Variants in RP1 observed in about 807,000 individuals in gnomAD.
The protein encoded by RP1 is oxygen-regulated protein 1.
RP1 carries 16 observed loss-of-function variants against 14.8 expected under a neutral mutation model. That is an observed-to-expected ratio of 1.08 (90% CI 0.73 to 1.65). The LOEUF (loss-of-function observed/expected upper bound fraction) is 1.65, where lower values mean the gene tolerates loss of function less well. RP1 is among the 40% of genes most tolerant of loss of function. The pLI, the probability that RP1 is intolerant of heterozygous loss-of-function variation, is 0.00. For missense variants in RP1, 2,631 were observed against 2,535.0 expected (o/e 1.04, Z -0.81); for synonymous variants, 876 against 883.6 (o/e 0.99, Z 0.15).
chr8:54,655,451 G>GTATAATAGGTAATCA lies in RP1; in HGVS notation c.1039-627_1039-626insTAGGTAATCATATAA, dbSNP rs71254589. ...TTTAACTCCAGGATAAATGGATCAG[G>GTATAATAGGTAATCA]TATAAATAATCAGTGCTTGAGTTTT... On this transcript the variant is annotated intron_variant, in intron 5 of 22. Coordinates refer to the RP1 transcript ENST00000636932. Among the ~76,000 whole-genome samples the GTATAATAGGTAATCA allele has an allele frequency of 2.6e-5, 4 of 151,948 alleles. No homozygotes were observed. In the South Asian group the frequency reaches 8.3e-4, roughly 32 times the overall value.
At chr8:54,580,615 TTTTA>T (rs747679666) in intron 1 of RP1, among the ~76,000 whole-genome samples, 88 of 143,280 alleles carry the variant, frequency 6.1e-4, no homozygotes, top group Non-Finnish European at 1.1e-3. Flanking sequence ...AATGTAGATA[TTTTA>T]TTTATTTATT....
chr8:54,751,515 T>TGTTTTCATTAA (rs1809369790), intron 19 of RP1, among the ~76,000 whole-genome samples: 1 of 152,208 alleles, frequency 6.6e-6, no homozygotes, highest in Non-Finnish European at 1.5e-5. Context: ...AAAATAAACT[T>TGTTTTCATTAA]TCTTACTTGT....
intron 1 of RP1, among the ~76,000 whole-genome samples, chr8:54,588,986 T>C (rs1298201098): frequency 6.6e-6 from 1 of 152,154 alleles, no homozygotes; most frequent in Non-Finnish European, 1.5e-5. Flanking sequence ...GTGTGCACAA[T>C]TAATAAATGG....
intron 26 of RP1, among the ~76,000 whole-genome samples, chr8:54,852,884 T>G (rs1812088580): frequency 6.6e-6 from 1 of 152,204 alleles, no homozygotes; most frequent in Admixed American, 6.5e-5. Context: ...ATGTTATTGT[T>G]CTGGAGTTGA....
chr8:54,772,823 T>C (rs1454478741), downstream of RP1, among the ~76,000 whole-genome samples: 1 of 152,240 alleles, frequency 6.6e-6, no homozygotes, highest in Non-Finnish European at 1.5e-5. Flanking sequence ...TTATCTTCTG[T>C]ATCTTTGGAT....
intron 3 of RP1, among the ~76,000 whole-genome samples, chr8:54,636,123 T>C (rs1434058918): frequency 6.6e-6 from 1 of 152,248 alleles, no homozygotes; most frequent in Non-Finnish European, 1.5e-5. Flanking sequence ...TCATTTGGCA[T>C]AGATGCTCTT....
intron 26 of RP1, among the ~76,000 whole-genome samples, chr8:54,856,184 G>A (rs930599970): frequency 4.6e-5 from 7 of 152,152 alleles, no homozygotes; most frequent in African/African-American, 1.7e-4. Flanking sequence ...AATGACACAA[G>A]CCAGGTGGAG....
At chr8:54,578,346 A>G (rs1380818559) in intron 1 of RP1, among the ~76,000 whole-genome samples, 1 of 152,114 alleles carries the variant, frequency 6.6e-6, no homozygotes, top group Admixed American at 6.6e-5. Flanking sequence ...ATCTGGGACT[A>G]TAGGTGCACC....
exon 18 of RP1, chr8:54,734,608 T>C (rs1489944332): frequency 6.5e-7 from 1 of 1,535,742 alleles, no homozygotes; most frequent in Admixed American, 2.0e-5. Context: ...AAGGTGTTAG[T>C]GCTGACAGGA....
In RP1 at chr8:54,687,102, A is replaced by C. The variant is rs114768564; in HGVS notation, c.1717+7169A>C. On this transcript the variant is annotated intron_variant, in intron 12 of 22. Coordinates refer to the RP1 transcript ENST00000636932. ...ATTGCATTTTTCTTTTTTTATTATT[A>C]AAAAGAATCTTTTGTATTACTCAAT... is the stretch of plus-strand genomic sequence containing the variant. Among the ~76,000 whole-genome samples, 808 of 152,178 alleles carry C rather than the reference A, an allele frequency of 5.3e-3. 3 individuals are homozygous for C. The highest frequency in any genetic ancestry group is 0.019 in the African/African-American group (773 of 41,514).
chr8:54,765,161 A>G (rs555130961), intron 22 of RP1, among the ~76,000 whole-genome samples: 3 of 152,350 alleles, frequency 2.0e-5, no homozygotes, highest in Admixed American at 2.0e-4. Context: ...TCACCCCTGT[A>G]CCATCCCATC....
At chr8:54,868,588 C>T (rs548908672) in intron 28 of RP1, among the ~76,000 whole-genome samples, 5 of 152,232 alleles carry the variant, frequency 3.3e-5, no homozygotes, top group South Asian at 2.1e-4. Context: ...TTCCTTGGCC[C>T]TCTGGAAAGT....
intron 19 of RP1, among the ~76,000 whole-genome samples, chr8:54,751,715 A>T (rs766910251): frequency 6.6e-6 from 1 of 152,232 alleles, no homozygotes; most frequent in South Asian, 2.1e-4. Context: ...CGGGGCTTAA[A>T]CATTGTGGTC....
intron 15 of RP1, among the ~76,000 whole-genome samples, chr8:54,719,097 C>A (rs1808475306): frequency 6.6e-6 from 1 of 152,118 alleles, no homozygotes; most frequent in Non-Finnish European, 1.5e-5. Context: ...CTGTACTTAC[C>A]TTCTGTATTG....
chr8:54,793,882 A>T (rs967318445), intron 24 of RP1, among the ~76,000 whole-genome samples: 6 of 151,912 alleles, frequency 3.9e-5, no homozygotes, highest in African/African-American at 1.4e-4. Context: ...AAGTAAAATC[A>T]TCTGTTTGCA....
In RP1 at chr8:54,701,529, C is replaced by G. The variant is rs145903767; in HGVS notation, c.1865C>G (p.Pro622Arg). 8 of 1,535,350 alleles carry G rather than the reference C, an allele frequency of 5.2e-6. No individual in the cohort carries two copies. The Admixed American group carries it at 1.6e-4, about 30-fold the overall frequency. The change falls in exon 14 of 23, where the codon CCT becomes CGT. Residue 622 changes from proline to arginine, a missense_variant. Pro to Arg is a moderately radical substitution (Grantham distance 103, BLOSUM62 -2). Transcript: ENST00000636932. ...ACTGAGCTGCGGGTGCTTTATCAGC[C>G]TAACCGCTGTGCACTTCTTGAGTCG...
Position 54,628,491 on chromosome 8 carries a change from T to C in RP1, c.4609T>C (p.Ser1537Pro). The C allele has an allele frequency of 6.2e-7, 1 of 1,613,772 alleles. No homozygotes were observed. The highest frequency in any genetic ancestry group is 8.5e-7 in the Non-Finnish European group (1 of 1,179,908). ...CAGTAAGAGGCTGGCAACACCACCA[T>C]CTTTAGATTTTTGCTATGATTCTAA... The part of the protein sequence containing the change: ...IISKRLATPP[S>P]LDFCYDSKQN... The change falls in exon 4 of 4, where the codon TCT (serine) becomes CCT (proline). Residue 1537 changes from serine (S) to proline (P), a missense_variant. By Grantham distance (74) the Ser-to-Pro change is moderately conservative. Coordinates refer to ENST00000220676, the MANE Select transcript of RP1 (RefSeq NM_006269.2).
At chr8:54,852,277 T>TA (rs951863637) in intron 25 of RP1, among the ~76,000 whole-genome samples, 12 of 152,106 alleles carry the variant, frequency 7.9e-5, no homozygotes, top group South Asian at 2.1e-4. Context: ...TCTGTTTTTT[T>TA]AAAAAAATAC....
At chr8:54,771,737 C>A (rs1032065168), downstream of RP1, among the ~76,000 whole-genome samples, 2 of 151,854 alleles carry the variant, frequency 1.3e-5, no homozygotes, top group African/African-American at 4.8e-5. Flanking sequence ...TTTAATATTT[C>A]TTGGGATATG....
Sources: gnomAD v4.1 joint callset for allele counts (sites outside exome capture counted in the v4.1 genomes callset) on GRCh38, gnomAD v4.1.1 for gene constraint, MANE v1.5 for transcripts, NCBI Gene and HGNC (gene_info 2026-07-23, HGNC 2026-07-21) for gene names.